The following DPP10 variants were observed in gnomAD, a reference collection of about 807,000 sequenced individuals.
The protein encoded by DPP10 is inactive dipeptidyl peptidase 10.
In DPP10, 33 loss-of-function variants were observed where a neutral mutation model predicts 120.9. The observed-to-expected ratio is 0.27, with a 90% CI of 0.21 to 0.37. The LOEUF (loss-of-function observed/expected upper bound fraction) is 0.37. DPP10 is among the 10% of genes least tolerant of loss of function. The pLI is 1.00. For synonymous variants in DPP10, 337 were observed against 326.1 expected (o/e 1.03, Z -0.36); for missense variants, 816 against 942.8 (o/e 0.87, Z 1.76).
At chr2:115,218,920 T>G (rs1298087294) in intron 1 of DPP10, among the ~76,000 whole-genome samples, 1 of 152,128 alleles carries the variant, frequency 6.6e-6, no homozygotes, top group Non-Finnish European at 1.5e-5. Flanking sequence ...TATGTTCCCA[T>G]TGGAATTAGA....
chr2:115,591,931 T>C (rs2082689412), intron 5 of DPP10, among the ~76,000 whole-genome samples: 1 of 152,196 alleles, frequency 6.6e-6, no homozygotes, highest in Admixed American at 6.5e-5. Flanking sequence ...CAATTGTGAA[T>C]GGGAGTTCAC....
chr2:115,742,318 C>G (rs1677382299), intron 9 of DPP10, among the ~76,000 whole-genome samples: 1 of 152,144 alleles, frequency 6.6e-6, no homozygotes, highest in Non-Finnish European at 1.5e-5. Flanking sequence ...GTCAAGTTAA[C>G]ATATACATAT....
intron 2 of DPP10, among the ~76,000 whole-genome samples, chr2:115,311,623 G>A (rs967131098): frequency 9.9e-5 from 15 of 151,986 alleles, no homozygotes; most frequent in African/African-American, 2.9e-4. Context: ...CTGCACTTTC[G>A]CTATTTTATA....
At chr2:115,637,121 A>G (rs1287597635) in intron 5 of DPP10, among the ~76,000 whole-genome samples, 2 of 152,232 alleles carry the variant, frequency 1.3e-5, no homozygotes, top group African/African-American at 4.8e-5. Flanking sequence ...TAAAGGTATA[A>G]TGTAAACAGA....
intron 19 of DPP10, among the ~76,000 whole-genome samples, chr2:115,793,285 C>G (rs1285807766): frequency 6.6e-6 from 1 of 151,932 alleles, no homozygotes; most frequent in African/African-American, 2.4e-5. Flanking sequence ...TTTTTTGAAT[C>G]TTCTGTTGCC....
chr2:114,572,391 A>G (rs1178260633), intron 1 of DPP10, among the ~76,000 whole-genome samples: 1 of 152,206 alleles, frequency 6.6e-6, no homozygotes, highest in Non-Finnish European at 1.5e-5. Flanking sequence ...AAGAAAACAC[A>G]TTGTGAAGTA....
At chr2:114,849,683 C>A (rs1158650098) in intron 1 of DPP10, among the ~76,000 whole-genome samples, 2 of 152,026 alleles carry the variant, frequency 1.3e-5, no homozygotes, top group Non-Finnish European at 2.9e-5. Flanking sequence ...ACATCTTTTG[C>A]TTAAAGTTAC....
chr2:114,775,879 C>T (rs1471354765), intron 1 of DPP10, among the ~76,000 whole-genome samples: 1 of 152,134 alleles, frequency 6.6e-6, no homozygotes, highest in South Asian at 2.1e-4. Flanking sequence ...GACACTCCTA[C>T]GTCTCAAGGA....
chr2:114,604,240 CT>C (rs1217974523), intron 1 of DPP10, among the ~76,000 whole-genome samples: 1 of 152,062 alleles, frequency 6.6e-6, no homozygotes, highest in Non-Finnish European at 1.5e-5. Context: ...AGGAGCCATT[CT>C]TATCAGGGAA....
chr2:114,812,355 G>A (rs969748388), intron 1 of DPP10, among the ~76,000 whole-genome samples: 14 of 152,022 alleles, frequency 9.2e-5, no homozygotes, highest in Non-Finnish European at 1.3e-4. Context: ...TAAGCCCAGC[G>A]CTTTGGGAGG....
At chr2:114,532,256 C>CATATAT (rs66716319) in intron 1 of DPP10, among the ~76,000 whole-genome samples, 1,193 of 85,090 alleles carry the variant, frequency 0.014, 20 homozygotes, top group African/African-American at 0.016. Context: ...AATAAATCTC[C>CATATAT]ATATATATAT....
At chr2:115,604,568 T>C (rs1442816187) in intron 5 of DPP10, among the ~76,000 whole-genome samples, 1 of 152,188 alleles carries the variant, frequency 6.6e-6, no homozygotes, top group Non-Finnish European at 1.5e-5. Flanking sequence ...TCACAACTAG[T>C]GTCTCTTTTC....
chr2:115,256,605 AG>A (rs1362508858), intron 1 of DPP10, among the ~76,000 whole-genome samples: 1 of 152,170 alleles, frequency 6.6e-6, no homozygotes, highest in African/African-American at 2.4e-5. Context: ...CTTTGATGGG[AG>A]TGGATACCTG....
intron 3 of DPP10, among the ~76,000 whole-genome samples, chr2:115,416,524 A>C (rs1482755151): frequency 6.6e-6 from 1 of 152,194 alleles, no homozygotes; most frequent in African/African-American, 2.4e-5. Flanking sequence ...GCAAAACCCT[A>C]GGCCATCTAT....
intron 5 of DPP10, among the ~76,000 whole-genome samples, chr2:115,587,080 T>A (rs1267890609): frequency 7.6e-6 from 1 of 132,062 alleles, no homozygotes; most frequent in Non-Finnish European, 1.6e-5. Flanking sequence ...TTTTCTTTTT[T>A]TTCTCTTTCT....
At chr2:115,233,171 C>T (rs969736496) in intron 1 of DPP10, among the ~76,000 whole-genome samples, 3 of 151,488 alleles carry the variant, frequency 2.0e-5, no homozygotes, top group Non-Finnish European at 4.4e-5. Flanking sequence ...AATGATCTTT[C>T]ATCTAAATTA....
intron 1 of DPP10, among the ~76,000 whole-genome samples, chr2:114,475,788 A>C (rs1361371692): frequency 1.3e-5 from 2 of 152,246 alleles, no homozygotes; most frequent in Non-Finnish European, 2.9e-5. Context: ...CTGTAAAATA[A>C]CAAAGTAGAC....
At chr2:115,626,574 G>A (rs1334309200) in intron 5 of DPP10, among the ~76,000 whole-genome samples, 1 of 151,990 alleles carries the variant, frequency 6.6e-6, no homozygotes, top group Non-Finnish European at 1.5e-5. Flanking sequence ...GTATTGGTGT[G>A]GTCATTCTCA....
intron 3 of DPP10, among the ~76,000 whole-genome samples, chr2:115,494,802 GGATTA>G (rs1410623345): frequency 6.6e-6 from 1 of 151,968 alleles, no homozygotes; most frequent in Non-Finnish European, 1.5e-5. Context: ...GATTATGTTT[GGATTA>G]AAGTTTCTCA....
Sources: allele counts gnomAD v4.1 joint callset (sites outside exome capture counted in the v4.1 genomes callset), GRCh38; gene constraint gnomAD v4.1.1; transcripts MANE v1.5; gene names NCBI Gene and HGNC (gene_info 2026-07-23, HGNC 2026-07-21).